Variants in PRSS36 observed in about 807,000 individuals in gnomAD.
PRSS36 encodes polyserase-2.
Under a neutral mutation model 94.3 loss-of-function variants are expected in PRSS36, and 90 were observed. The ratio of observed to expected loss-of-function variants is 0.95; its 90% confidence interval spans 0.80 to 1.14. The LOEUF is 1.14. PRSS36 is among the 50% of genes most tolerant of loss of function. The pLI is 0.00. For synonymous variants in PRSS36, 500 were observed against 489.6 expected (o/e 1.02, Z -0.28); for missense variants, 1,158 against 1,135.0 (o/e 1.02, Z -0.29).
chr16:31,149,083 A>G lies in PRSS36; in HGVS notation c.262T>C (p.Cys88Arg), dbSNP rs1320108308. 6 of 1,594,222 alleles carry G rather than the reference A, an allele frequency of 3.8e-6. No homozygotes were observed. Among genetic ancestry groups the G allele is most frequent in the Non-Finnish European group, 5.1e-6 (6 of 1,172,292 alleles). Residue 88 changes from cysteine (C) to arginine (R), a missense_variant, in exon 4 of 15, where the codon TGT becomes CGT. Coordinates refer to ENST00000268281, the MANE Select transcript of PRSS36 (RefSeq NM_173502.5). The part of the protein sequence containing the change: ...APSWVLSAAH[C>R]FMTNGTLEPA... ...AGGGCGAATACTCACGTCATGAAAC[A>G]GTGAGCAGCGGAGAGGACCCAGGAG... is the stretch of plus-strand genomic sequence containing the variant.
Position 31,149,160 on chromosome 16 carries a change from A to G in PRSS36, c.185T>C (p.Val62Ala), listed in dbSNP as rs2057856075. The change falls in exon 4 of 15, where the codon GTG becomes GCG. Residue 62 changes from valine to alanine, a missense_variant. Transcript: ENST00000268281. ...NAQPGTWPWQ[V>A]SLHHGGGHIC... ...GTGGCCACCTCCATGGTGCAGGCTC[A>G]CTTGCCAAGGCCAGGTGCCCGGCTG... is the stretch of plus-strand genomic sequence containing the variant. 6.3e-7 allele frequency: 1 copy of G among 1,576,630 alleles called. No homozygotes were observed. Among genetic ancestry groups the G allele is most frequent in the Non-Finnish European group, 8.6e-7 (1 of 1,162,180 alleles).
Position 31,140,697 on chromosome 16 carries a change from G to A in PRSS36, c.1962C>T (p.Ser654=). 1 of 1,614,114 alleles carries A rather than the reference G, an allele frequency of 6.2e-7. No homozygotes were observed. The highest frequency in any genetic ancestry group is 8.5e-7 in the Non-Finnish European group (1 of 1,179,988). ...EVYLGRAGAS[S]LPQGHQVSRL... is the part of the protein sequence containing the mutation. ...GGGATACCTGGTGGCCCTGTGGGAG[G>A]GAGCTGGCCCCTGCCCGGCCCAGAT... The change falls in exon 13 of 15, where the codon TCC becomes TCT. Residue 654 remains serine, a synonymous_variant. Transcript: ENST00000268281.
intron 5 of PRSS36, among the ~76,000 whole-genome samples, chr16:31,147,173 G>T (rs570604986): frequency 6.6e-6 from 1 of 152,088 alleles, no homozygotes; most frequent in Admixed American, 6.6e-5. Flanking sequence ...CAGCCCAGGT[G>T]CCTGTACCCC....
chr16:31,149,033 C>A, intron 4 of PRSS36, 40 bp downstream of exon 4: 1 of 1,537,154 alleles, frequency 6.5e-7, no homozygotes, highest in African/African-American at 1.4e-5. Context: ...CGGGGGCCAG[C>A]TTTTGGCGGA....
chr16:31,147,900 A>C (rs747720010), intron 5 of PRSS36, among the ~76,000 whole-genome samples: 3 of 152,146 alleles, frequency 2.0e-5, no homozygotes, highest in Non-Finnish European at 4.4e-5. Context: ...CTTATGCTGT[A>C]GTGCTTTACT....
Position 31,139,341 on chromosome 16 carries a change from T to C in PRSS36, c.2365A>G (p.Ser789Gly). ...WILVGMAVQG[S>G]RELFAAIGPE... Reference sequence around the variant, plus strand: ...CCAATGGCAGCAAACAGCTCCCGGCTCCCTTGAACAGCCATGCCCACGAGG... The same window carrying C: ...CCAATGGCAGCAAACAGCTCCCGGCCCCCTTGAACAGCCATGCCCACGAGG... Residue 789 changes from serine (S) to glycine (G), a missense_variant, in exon 15 of 15, where the codon AGC (serine) becomes GGC (glycine). Ser to Gly is a moderately conservative substitution (Grantham distance 56). Coordinates refer to ENST00000268281, the MANE Select transcript of PRSS36 (RefSeq NM_173502.5). The C allele has an allele frequency of 6.2e-7, 1 of 1,613,996 alleles. No individual in the cohort carries two copies. The highest frequency in any genetic ancestry group is 1.3e-5 in the African/African-American group (1 of 74,990).
rs553867774 is a variant in PRSS36 at position 31,145,806 on chromosome 16, G to T, written c.703C>A (p.Arg235Ser). ...GMLCAGYPEGRRDTCQGDSGG... is the reference protein window; with the variant it reads ...GMLCAGYPEGSRDTCQGDSGG... ...TCCCTCACCTGGCAGGTGTCCCTGC[G>T]GCCCTCTGGGTAGCCAGCACACAGC... Residue 235 changes from arginine to serine, a missense_variant, in exon 6 of 15, where the codon CGC becomes AGC. Physicochemically the swap from Arg to Ser is moderately radical, Grantham distance 110. Coordinates refer to ENST00000268281, the MANE Select transcript of PRSS36 (RefSeq NM_173502.5). 1 of 1,613,594 alleles carries T rather than the reference G, an allele frequency of 6.2e-7. No homozygotes were observed. Among genetic ancestry groups the T allele is most frequent in the Non-Finnish European group, 8.5e-7 (1 of 1,179,892 alleles).
At position 31,149,722 on chromosome 16, in the gene PRSS36, G is replaced by A. The variant is rs1289227390; in HGVS notation, c.47C>T (p.Pro16Leu). Reference protein sequence around the residue: ...LLPLVMLVISPIPGAFQDSAL... With the variant: ...LLPLVMLVISLIPGAFQDSAL... ...TGAGTCCTGGAAGGCTCCTGGGATG[G>A]GACTGATGACTGGAAAGACAGAGGT... The change falls in exon 2 of 15, where the codon CCC becomes CTC. Residue 16 changes from proline to leucine, a missense_variant. Physicochemically the swap from Pro to Leu is moderately conservative, Grantham distance 98. Coordinates refer to ENST00000268281, the MANE Select transcript of PRSS36 (RefSeq NM_173502.5). 3.1e-6 allele frequency: 5 copies of A among 1,614,162 alleles called. No homozygotes were observed. Among genetic ancestry groups the A allele is most frequent in the Non-Finnish European group, 4.2e-6 (5 of 1,180,020 alleles).
Position 31,145,857 on chromosome 16 carries a change from G to C in PRSS36, c.652C>G (p.Leu218Val), listed in dbSNP as rs754904345. ...ATCCCTGGCAATATCTGGAGAGTGA[G>C]GTTGAAGGGACCGGGCTGGCTGTAG... ...CLYSQPGPFN[L>V]TLQILPGMLC... The change falls in exon 6 of 15, where the codon CTC (leucine) becomes GTC (valine). Residue 218 changes from leucine to valine, a missense_variant. Physicochemically the swap from Leu to Val is conservative, Grantham distance 32. Coordinates refer to ENST00000268281, the MANE Select transcript of PRSS36 (RefSeq NM_173502.5). 3 of 1,614,136 alleles carry C rather than the reference G, an allele frequency of 1.9e-6. No individual in the cohort carries two copies. The Admixed American group carries it at 5.0e-5, about 27-fold the overall frequency.
chr16:31,143,713 T>C lies in PRSS36; in HGVS notation c.845A>G (p.Tyr282Cys). ...RPGVFTAVAT[Y>C]EAWIREQVMG... The stretch of plus-strand genomic sequence containing the variant: ...CACCTGCTCCCGTATCCATGCCTCA[T>C]AGGTAGCCACAGCAGTGAAAACTCC... The change falls in exon 7 of 15, where the codon TAT becomes TGT. Residue 282 changes from tyrosine (Y) to cysteine (C), a missense_variant. Tyr to Cys is a radical substitution (Grantham distance 194). Coordinates refer to ENST00000268281, the MANE Select transcript of PRSS36 (RefSeq NM_173502.5). 6.2e-7 allele frequency: 1 copy of C among 1,614,084 alleles called. No individual in the cohort carries two copies. Among genetic ancestry groups the C allele is most frequent in the East Asian group, 2.2e-5 (1 of 44,880 alleles).
At chr16:31,143,916 C>T (rs941561595) in intron 6 of PRSS36, 79 bp from the exon 7 acceptor site, 16 of 1,550,432 alleles carry the variant, frequency 1.0e-5, no homozygotes, top group East Asian at 2.2e-5. Flanking sequence ...TTTGGCCCAA[C>T]ATACACCACC....
In PRSS36 at chr16:31,140,398, C is replaced by T. The variant is rs1376011377; in HGVS notation, c.2185G>A (p.Val729Ile). 2 of 1,613,782 alleles carry T rather than the reference C, an allele frequency of 1.2e-6. No individual in the cohort carries two copies. Among genetic ancestry groups the T allele is most frequent in the Non-Finnish European group, 1.7e-6 (2 of 1,179,924 alleles). Residue 729 changes from valine (V) to isoleucine (I), a missense_variant, in exon 14 of 15, where the codon GTC becomes ATC. Transcript: ENST00000268281. ...PQDRVPVAAA[V>I]SILTQRICDC... ...CAGATTCGTTGTGTCAAGATGGAGA[C>T]AGCAGCAGCCACAGGGACTGGGGAG...
At chr16:31,140,134 T>G (rs554943747) in intron 14 of PRSS36, among the ~76,000 whole-genome samples, 160 bp downstream of exon 14, 1 of 150,422 alleles carries the variant, frequency 6.6e-6, no homozygotes, top group South Asian at 2.1e-4. Flanking sequence ...GAGCTTGCAG[T>G]GAGCCGAGAT....
rs759451032 is a variant in PRSS36 at position 31,139,214 on chromosome 16, G to C, written c.2492C>G (p.Pro831Arg). The change falls in exon 15 of 15, where the codon CCA becomes CGA. Residue 831 changes from proline (P) to arginine (R), a missense_variant. By Grantham distance (103) the Pro-to-Arg change is moderately radical. Coordinates refer to ENST00000268281, the MANE Select transcript of PRSS36 (RefSeq NM_173502.5). The stretch of plus-strand genomic sequence containing the variant: ...GGATCCCGAGGCCTTGGCCAGTTCT[G>C]GGGGGCAGAGATTGCTGCCTCCAGT... ...WPTGGSNLCP[P>R]ELAKASGSPH... is the part of the protein sequence containing the mutation. 23 of 1,613,206 alleles carry C rather than the reference G, an allele frequency of 1.4e-5. No homozygotes were observed. Among genetic ancestry groups the C allele is most frequent in the Non-Finnish European group, 1.8e-5 (21 of 1,179,394 alleles).
intron 10 of PRSS36, 102 bp downstream of exon 10, chr16:31,142,379 C>A: frequency 3.9e-6 from 5 of 1,297,360 alleles, no homozygotes; most frequent in Non-Finnish European, 5.1e-6. Flanking sequence ...GCAGGCCCCG[C>A]CCTCTCCCTA....
At chr16:31,139,681 T>G (rs1424692652) in intron 14 of PRSS36, among the ~76,000 whole-genome samples, 1 of 149,852 alleles carries the variant, frequency 6.7e-6, no homozygotes, top group African/African-American at 2.5e-5. Context: ...GGAGTTTGAG[T>G]CCAGCTTGGC....
In PRSS36 at chr16:31,142,987, G is replaced by T; in HGVS notation, c.1107C>A (p.Asn369Lys). Residue 369 changes from asparagine to lysine, a missense_variant, in exon 9 of 15, where the codon AAC becomes AAA. By Grantham distance (94) the Asn-to-Lys change is moderately conservative. Coordinates refer to ENST00000268281, the MANE Select transcript of PRSS36 (RefSeq NM_173502.5). ...GGTCGCGGGGTGGGCTGTCGGAGCT[G>T]TTCGGGCTGCGGGATGGGGGCCGAG... The part of the protein sequence containing the change: ...LAPASCFLDP[N>K]SSDSPPRDLD... The T allele has an allele frequency of 3.6e-6, 5 of 1,394,306 alleles. No individual in the cohort carries two copies. Among genetic ancestry groups the T allele is most frequent in the Non-Finnish European group, 4.6e-6 (5 of 1,078,962 alleles). 86.4% of individuals were successfully genotyped at this position (1,394,306 alleles called of 1,614,324 possible).
At position 31,142,850 on chromosome 16, in the gene PRSS36, T is replaced by A; in HGVS notation, c.1244A>T (p.Gln415Leu). 6.4e-7 allele frequency: 1 copy of A among 1,557,250 alleles called. No homozygotes were observed. Among genetic ancestry groups the A allele is most frequent in the Non-Finnish European group, 8.7e-7 (1 of 1,155,590 alleles). ...WDNASDLALL[Q>L]LRTPVNLSAA... ...GCTCAGGTTCACGGGCGTGCGCAGC[T>A]GCAGCAGCGCCAGGTCCGAGGCGTT... Residue 415 changes from glutamine (Q) to leucine (L), a missense_variant, in exon 9 of 15, where the codon CAG becomes CTG. Coordinates refer to ENST00000268281, the MANE Select transcript of PRSS36 (RefSeq NM_173502.5).
In PRSS36 at chr16:31,145,918, C is replaced by T. The variant is rs1185839175; in HGVS notation, c.591G>A (p.Glu197=). 1.1e-5 allele frequency: 18 copies of T among 1,613,786 alleles called. No homozygotes were observed. The highest frequency in any genetic ancestry group is 1.5e-5 in the Non-Finnish European group (18 of 1,179,834). The change falls in exon 6 of 15, where the codon GAG becomes GAA. Residue 197 remains glutamate (E), a synonymous_variant. Transcript: ENST00000268281. Reference sequence around the variant, plus strand: ...AGGTGGCCTCGCCCAGCAGCCTTAGCTCCACTTCCTGTAGCACCCAGGGGA... The same window carrying T: ...AGGTGGCCTCGCCCAGCAGCCTTAGTTCCACTTCCTGTAGCACCCAGGGGA... ...LPLPWVLQEV[E]LRLLGEATCQ...
Sources: gnomAD v4.1 joint callset for allele counts (sites outside exome capture counted in the v4.1 genomes callset) on GRCh38, gnomAD v4.1.1 for gene constraint, MANE v1.5 for transcripts, NCBI Gene and HGNC (gene_info 2026-07-23, HGNC 2026-07-21) for gene names.